CSF1: variants seen among roughly 807,000 people sequenced by gnomAD.
CSF1 encodes the protein macrophage colony-stimulating factor 1.
In CSF1, 9 loss-of-function variants were observed where a neutral mutation model predicts 48.9. That is an observed-to-expected ratio of 0.18 (90% CI 0.11 to 0.32). CSF1 has a LOEUF of 0.32. Among genes scored for constraint, CSF1 ranks in the 10% least tolerant of loss-of-function variants. The pLI is 1.00. For missense variants in CSF1, 672 were observed against 697.9 expected (o/e 0.96, Z 0.42); for synonymous variants, 305 against 284.1 (o/e 1.07, Z -0.74).
At chr1:109,922,934 T>A (rs1647630229) in intron 5 of CSF1, among the ~76,000 whole-genome samples, 1 of 152,092 alleles carries the variant, frequency 6.6e-6, no homozygotes, top group South Asian at 2.1e-4. Flanking sequence ...AGTGTGTGCA[T>A]CTCAACCCTA....
intron 4 of CSF1, among the ~76,000 whole-genome samples, chr1:109,920,706 GTTT>G (rs1647492381): frequency 6.6e-6 from 1 of 152,196 alleles, no homozygotes; most frequent in Non-Finnish European, 1.5e-5. Flanking sequence ...AAAAGCCCAT[GTTT>G]CTTCCCTGTG....
rs976988774 is a variant in CSF1 at position 109,926,769 on chromosome 1, T to A, written c.*13+1567T>A. On this transcript the variant is annotated intron_variant, in intron 8 of 8. Transcript: ENST00000329608. ...ATTTGGATGTTGTTTTCATATTTTT[T>A]AAAATCTTATTTTATATGTATTGTA... 11 of 152,258 alleles carry A rather than the reference T, an allele frequency of 7.2e-5. No homozygotes were observed. The East Asian group carries it at 1.9e-3, about 27-fold the overall frequency. 9.4% of individuals were successfully genotyped at this position (152,258 alleles called of 1,614,324 possible). A position where few individuals can be genotyped will look rare whatever the true frequency, so the allele number is the denominator to read the frequency against.
At chr1:109,918,792 G>T (rs1033688806) in intron 4 of CSF1, among the ~76,000 whole-genome samples, 8 of 152,096 alleles carry the variant, frequency 5.3e-5, no homozygotes, top group Non-Finnish European at 1.2e-4. Context: ...GCAGCTAGGT[G>T]TGCGGGTCTT....
At chr1:109,927,710 A>T (rs560503048) in intron 8 of CSF1, among the ~76,000 whole-genome samples, 3 of 152,306 alleles carry the variant, frequency 2.0e-5, no homozygotes, top group African/African-American at 7.2e-5. Context: ...CAGGCCAGGC[A>T]CCAGTGGCCT....
At chr1:109,919,674 C>T (rs924350595) in intron 4 of CSF1, among the ~76,000 whole-genome samples, 6 of 150,712 alleles carry the variant, frequency 4.0e-5, no homozygotes, top group African/African-American at 1.2e-4. Flanking sequence ...AAGAGTGGCT[C>T]CAGGGCCGGG....
intron 1 of CSF1, among the ~76,000 whole-genome samples, chr1:109,912,086 A>G (rs1654713583): frequency 6.6e-6 from 1 of 152,076 alleles, no homozygotes; most frequent in Non-Finnish European, 1.5e-5. Flanking sequence ...GTGGGTCCAC[A>G]GAAAGAAAGT....
chr1:109,924,984 T>C (rs977511538), intron 7 of CSF1, among the ~76,000 whole-genome samples, 156 bp downstream of exon 7: 1 of 152,082 alleles, frequency 6.6e-6, no homozygotes, highest in Non-Finnish European at 1.5e-5. Flanking sequence ...CTTTCCCAGA[T>C]ATCTGGGCTT....
At chr1:109,912,730 G>A (rs1428585029) in intron 1 of CSF1, among the ~76,000 whole-genome samples, 2 of 152,180 alleles carry the variant, frequency 1.3e-5, no homozygotes, top group Non-Finnish European at 2.9e-5. Context: ...GTGGCAGCCA[G>A]TCTGGGGTAG....
At position 109,924,783 on chromosome 1, in the gene CSF1, A is replaced by G; in HGVS notation, c.1577A>G (p.Gln526Arg). 1 of 1,594,654 alleles carries G rather than the reference A, an allele frequency of 6.3e-7. No individual in the cohort carries two copies. Among genetic ancestry groups the G allele is most frequent in the Admixed American group, 1.7e-5 (1 of 57,298 alleles). The change falls in exon 7 of 9, where the codon CAA (glutamine) becomes CGA (arginine). Residue 526 changes from glutamine (Q) to arginine (R), a missense_variant. Gln to Arg is a conservative substitution (Grantham distance 43, BLOSUM62 1). Transcript: ENST00000329608. ...LFYRWRRRSH[Q>R]EPQRADSPLE... Reference sequence around the variant, plus strand: ...GCTCTTTCCTGTCCTCAGAGCCATCAAGAGCCTCAGAGAGCGGATTCTCCC... The same window carrying G: ...GCTCTTTCCTGTCCTCAGAGCCATCGAGAGCCTCAGAGAGCGGATTCTCCC...
At chr1:109,915,840 G>T (rs1654878198) in intron 3 of CSF1, 144 bp downstream of exon 3, 10 of 719,144 alleles carry the variant, frequency 1.4e-5, no homozygotes, top group South Asian at 9.9e-5. Flanking sequence ...CAACTCTGGG[G>T]TGCCAGGATC....
chr1:109,916,164 G>T (rs1056704129), intron 3 of CSF1, among the ~76,000 whole-genome samples: 1 of 152,058 alleles, frequency 6.6e-6, no homozygotes, highest in African/African-American at 2.4e-5. Flanking sequence ...TCCTGGACTT[G>T]CCCCACACCC....
intron 1 of CSF1, 58 bp from the exon 2 acceptor site, chr1:109,914,201 C>A (rs1428963060): frequency 6.5e-7 from 1 of 1,536,988 alleles, no homozygotes; most frequent in Non-Finnish European, 8.8e-7. Context: ...TTGAGCAGGG[C>A]ATGGGGATAA....
rs777290037 is a variant in CSF1 at position 109,924,762 on chromosome 1, T to G, written c.1570-14T>G. 1.3e-6 allele frequency: 2 copies of G among 1,578,228 alleles called. No homozygotes were observed. Among genetic ancestry groups the G allele is most frequent in the Non-Finnish European group, 8.6e-7 (1 of 1,161,798 alleles). ...CCCCCAGCTCCTCAGTGAGATGCTC[T>G]TTCCTGTCCTCAGAGCCATCAAGAG... is the stretch of plus-strand genomic sequence containing the variant. On this transcript the variant is annotated splice_polypyrimidine_tract_variant and intron_variant, in intron 6 of 8. Coordinates refer to ENST00000329608, the MANE Select transcript of CSF1 (RefSeq NM_000757.6).
intron 1 of CSF1, among the ~76,000 whole-genome samples, chr1:109,911,391 C>T (rs1045543950): frequency 1.3e-5 from 2 of 152,236 alleles, no homozygotes; most frequent in Admixed American, 6.5e-5. Flanking sequence ...CCCTACCCGC[C>T]ACCACCAAGG....
At chr1:109,923,105 G>T in intron 5 of CSF1, 61 bp from the exon 6 acceptor site, 1 of 1,458,832 alleles carries the variant, frequency 6.9e-7, no homozygotes, top group Middle Eastern at 1.8e-4. Flanking sequence ...AGCTGTGCTG[G>T]AGGCTAGTGA....
chr1:109,919,787 C>T (rs1476163565), intron 4 of CSF1, among the ~76,000 whole-genome samples: 1 of 151,704 alleles, frequency 6.6e-6, no homozygotes, highest in Non-Finnish European at 1.5e-5. Context: ...GGCGAAACCC[C>T]ATCTTTACTA....
intron 8 of CSF1, 148 bp downstream of exon 8, chr1:109,925,350 G>A: frequency 2.9e-6 from 2 of 690,892 alleles, no homozygotes; most frequent in South Asian, 1.7e-5. Context: ...TCGCCAGCCA[G>A]GTCCAGCCAC....
chr1:109,920,681 G>A (rs1468885765), intron 4 of CSF1, among the ~76,000 whole-genome samples: 1 of 152,124 alleles, frequency 6.6e-6, no homozygotes, highest in African/African-American at 2.4e-5. Flanking sequence ...TGCCTTCAAG[G>A]ACTTCACAGC....
chr1:109,919,018 G>A (rs1647390802), intron 4 of CSF1, among the ~76,000 whole-genome samples: 1 of 152,016 alleles, frequency 6.6e-6, no homozygotes, highest in African/African-American at 2.4e-5. Flanking sequence ...ATTCCAAGAT[G>A]GATAAGGGAT....
Sources: allele counts gnomAD v4.1 joint callset (sites outside exome capture counted in the v4.1 genomes callset), GRCh38; gene constraint gnomAD v4.1.1; transcripts MANE v1.5; gene names NCBI Gene and HGNC (gene_info 2026-07-23, HGNC 2026-07-21).